The following ANK1 variants were observed in gnomAD, a reference collection of about 807,000 sequenced individuals.
The protein encoded by ANK1 is ankyrin 1, also known as ankyrin-1.
ANK1 carries 51 observed loss-of-function variants against 210.4 expected under a neutral mutation model. The observed-to-expected ratio is 0.24, with a 90% CI of 0.19 to 0.31. ANK1 has a LOEUF of 0.31. Ranked by LOEUF, ANK1 falls within the 10% of genes least tolerant of loss-of-function variation. The pLI, the probability that ANK1 is intolerant of heterozygous loss-of-function variation, is 1.00. For missense variants in ANK1, 2,051 were observed against 2,504.4 expected, an observed-to-expected ratio of 0.82 and a Z score of 3.86; for synonymous variants, 967 against 1,025.9, an observed-to-expected ratio of 0.94 and a Z score of 1.10.
intron 1 of ANK1, among the ~76,000 whole-genome samples, chr8:41,842,170 C>G (rs745733908): frequency 2.0e-5 from 3 of 152,130 alleles, no homozygotes; most frequent in Non-Finnish European, 2.9e-5. Context: ...AGCGTTGCTC[C>G]CTGACCAGTG....
intron 1 of ANK1, among the ~76,000 whole-genome samples, chr8:41,766,735 G>A (rs1009772755): frequency 6.6e-6 from 1 of 152,206 alleles, no homozygotes; most frequent in Non-Finnish European, 1.5e-5. Context: ...CTAAAATGGG[G>A]ATCTTGCCAG....
At chr8:41,765,334 G>T (rs989275139) in intron 1 of ANK1, among the ~76,000 whole-genome samples, 23 of 151,560 alleles carry the variant, frequency 1.5e-4, no homozygotes, top group African/African-American at 5.3e-4. Flanking sequence ...AAAGTCCTGG[G>T]CTCAAGAGAT....
chr8:41,743,335 G>GTC (rs1835265070), intron 2 of ANK1, among the ~76,000 whole-genome samples: 3 of 152,124 alleles, frequency 2.0e-5, no homozygotes, highest in African/African-American at 7.2e-5. Flanking sequence ...AAGGAGCGAC[G>GTC]GCATGATAGT....
intron 1 of ANK1, among the ~76,000 whole-genome samples, chr8:41,865,706 C>T (rs1272972226): frequency 2.0e-5 from 3 of 152,134 alleles, no homozygotes; most frequent in African/African-American, 7.2e-5. Flanking sequence ...CTAGATTCTT[C>T]CCTCTCCCTC....
intron 37 of ANK1, among the ~76,000 whole-genome samples, chr8:41,683,085 C>T (rs1259234272): frequency 1.3e-5 from 2 of 152,050 alleles, no homozygotes; most frequent in African/African-American, 2.4e-5. Flanking sequence ...CGTGCACACA[C>T]ACACACATGC....
chr8:41,787,843 A>G (rs1007688880), intron 1 of ANK1, among the ~76,000 whole-genome samples: 2 of 151,904 alleles, frequency 1.3e-5, no homozygotes, highest in African/African-American at 4.8e-5. Context: ...GCAGGCAGGA[A>G]GGAAGGAAGG....
At chr8:41,826,838 T>G (rs1805474169) in intron 1 of ANK1, among the ~76,000 whole-genome samples, 1 of 152,186 alleles carries the variant, frequency 6.6e-6, no homozygotes, top group African/African-American at 2.4e-5. Flanking sequence ...TCTGCTCTTA[T>G]CCTTGGATCT....
chr8:41,848,793 G>T (rs568349657), intron 1 of ANK1, among the ~76,000 whole-genome samples: 1 of 152,228 alleles, frequency 6.6e-6, no homozygotes, highest in South Asian at 2.1e-4. Context: ...GCCTGGTATT[G>T]GTATCCGCAT....
chr8:41,761,756 G>A (rs1840513624), intron 1 of ANK1, among the ~76,000 whole-genome samples: 1 of 152,140 alleles, frequency 6.6e-6, no homozygotes, highest in African/African-American at 2.4e-5. Context: ...CCTCCACAAA[G>A]CAGCGCTTCA....
chr8:41,782,614 G>A (rs1296637697), intron 1 of ANK1, among the ~76,000 whole-genome samples: 2 of 152,174 alleles, frequency 1.3e-5, no homozygotes, highest in Non-Finnish European at 2.9e-5. Flanking sequence ...GGACGGGGCC[G>A]CCTGTTGAGA....
At chr8:41,890,264 C>T (rs1347982953) in intron 1 of ANK1, among the ~76,000 whole-genome samples, 1 of 152,204 alleles carries the variant, frequency 6.6e-6, no homozygotes, top group Non-Finnish European at 1.5e-5. Context: ...TGTTCATGCA[C>T]ACGTAGCTGA....
rs1217753480 is a variant in ANK1, at chr8:41,653,389, C to T, written c.*2401G>A. The T allele has an allele frequency of 6.6e-6, 1 of 152,656 alleles. No individual in the cohort carries two copies. Among genetic ancestry groups the T allele is most frequent in the Non-Finnish European group, 1.5e-5 (1 of 68,048 alleles). The allele number at this position is 152,656 out of a possible 1,614,324, so 9.5% of individuals were successfully genotyped here. ...ACAATTAAAAAAATCAAGGTAATTT[C>T]AAAACTTCTAAAAAGCGTCTAATGT... On this transcript the variant is annotated 3_prime_UTR_variant, in exon 43 of 43. Transcript: ENST00000289734.
At chr8:41,841,470 T>A (rs1246317162) in intron 1 of ANK1, among the ~76,000 whole-genome samples, 1 of 152,206 alleles carries the variant, frequency 6.6e-6, no homozygotes, top group Admixed American at 6.5e-5. Flanking sequence ...TACAACATGC[T>A]ACCTACAGTA....
chr8:41,735,565 C>G (rs1833213062), intron 2 of ANK1, among the ~76,000 whole-genome samples: 2 of 152,248 alleles, frequency 1.3e-5, no homozygotes, highest in Non-Finnish European at 2.9e-5. Context: ...TGCGGGGTCC[C>G]TGACTCACGT....
Position 41,896,218 on chromosome 8 carries a change from C to G in ANK1, c.126+137G>C, listed in dbSNP as rs568915847. ...CCGTCCCTCCTCTACGCCCACCGAG[C>G]CTTCCCCGCTCGGGTGCCGCCAACT... is the stretch of plus-strand genomic sequence containing the variant. On this transcript the variant is annotated intron_variant, in intron 1 of 42. Coordinates refer to the ANK1 transcript ENST00000265709. 904 of 1,267,308 alleles carry G rather than the reference C, an allele frequency of 7.1e-4. 4 individuals are homozygous for G. In the African/African-American group the frequency reaches 0.013, roughly 18 times the overall value. 78.5% of individuals were successfully genotyped at this position (1,267,308 alleles called of 1,614,324 possible). A position where few individuals can be genotyped will look rare whatever the true frequency, so the allele number is the denominator to read the frequency against.
In ANK1 at chr8:41,692,755, G is replaced by T; in HGVS notation, c.3751C>A (p.Pro1251Thr). Residue 1251 changes from proline (P) to threonine (T), a missense_variant, in exon 31 of 43, where the codon CCC (proline) becomes ACC (threonine). Around this residue, in one of 6 missense-constraint regions of ANK1, gnomAD observed 1,413 missense variants for 1,707.4 expected, o/e 0.83. Coordinates refer to ENST00000289734, the MANE Select transcript of ANK1 (RefSeq NM_000037.4). ...TAGCAGCGCAGGCGCCCCTCTCGGG[G>T]GTCATTCATCTTGGCAAAGATGACG... ...KFVIFAKMNDPREGRLRCYCM... is the reference protein window; with the variant it reads ...KFVIFAKMNDTREGRLRCYCM... 6.2e-7 allele frequency: 1 copy of T among 1,614,098 alleles called. No individual in the cohort carries two copies. The highest frequency in any genetic ancestry group is 1.1e-5 in the South Asian group (1 of 91,072).
chr8:41,753,951 T>G (rs939603634), intron 2 of ANK1, among the ~76,000 whole-genome samples: 3 of 152,208 alleles, frequency 2.0e-5, no homozygotes, highest in Admixed American at 6.5e-5. Context: ...CTTATTTGCC[T>G]CTGCTCCTCC....
chr8:41,894,307 G>A (rs1226541230), intron 1 of ANK1, among the ~76,000 whole-genome samples: 1 of 152,000 alleles, frequency 6.6e-6, no homozygotes, highest in Non-Finnish European at 1.5e-5. Context: ...TGCTACTGAC[G>A]CAGTATGCTG....
intron 1 of ANK1, among the ~76,000 whole-genome samples, chr8:41,839,079 AAAAT>A (rs920202554): frequency 4.2e-4 from 64 of 152,174 alleles, no homozygotes; most frequent in African/African-American, 1.4e-3. Flanking sequence ...TCCTTCTCAA[AAAAT>A]AAATAAATAA....
Sources: gnomAD v4.1 joint callset for allele counts (sites outside exome capture counted in the v4.1 genomes callset) on GRCh38, gnomAD v4.1.1 for gene constraint, gnomAD v4.1.1 regional missense constraint, MANE v1.5 for transcripts, NCBI Gene and HGNC (gene_info 2026-07-23, HGNC 2026-07-21) for gene names.